TBC1D5: variants seen among roughly 807,000 people sequenced by gnomAD.
The protein encoded by TBC1D5 is TBC1 domain family member 5.
In TBC1D5, 75 loss-of-function variants were observed where a neutral mutation model predicts 100.3. That is an observed-to-expected ratio of 0.75 (90% CI 0.62 to 0.91). TBC1D5 has a LOEUF of 0.91. Among genes scored for constraint, TBC1D5 ranks in the 40% least tolerant of loss-of-function variants. The pLI is 0.00. For missense variants in TBC1D5, 910 were observed against 942.4 expected (o/e 0.97, Z 0.45); for synonymous variants, 323 against 325.6 (o/e 0.99, Z 0.09).
chr3:17,509,046 T>G (rs2095873480), intron 2 of TBC1D5, among the ~76,000 whole-genome samples: 1 of 152,152 alleles, frequency 6.6e-6, no homozygotes, highest in Non-Finnish European at 1.5e-5. Context: ...GTATTACACA[T>G]GTACTTCCTG....
At chr3:17,607,720 T>TG (rs146800269) in intron 2 of TBC1D5, among the ~76,000 whole-genome samples, 10,323 of 151,692 alleles carry the variant, frequency 0.068, 710 homozygotes, top group African/African-American at 0.18. Context: ...ATAGAACCTA[T>TG]GGTAATCAAA....
In TBC1D5 at chr3:17,262,870, A is replaced by G. The variant is rs138724139; in HGVS notation, c.1246-4279T>C. ...AAATGGTAATCATATCTTAACTGAT[A>G]TTAGTCTGTGTGCAGAGGAATACCA... On this transcript the variant is annotated intron_variant, in intron 15 of 21. Transcript: ENST00000253692. Among the ~76,000 whole-genome samples, 1,413 of 152,146 alleles carry G rather than the reference A, an allele frequency of 9.3e-3. 53 individuals are homozygous for G. Among genetic ancestry groups the G allele is most frequent in the Admixed American group, 0.072 (1,103 of 15,286 alleles).
chr3:17,429,087 G>A (rs895190094), intron 3 of TBC1D5, among the ~76,000 whole-genome samples: 11 of 151,622 alleles, frequency 7.3e-5, no homozygotes, highest in South Asian at 2.1e-4. Flanking sequence ...TCAAAAGTTC[G>A]GCAATTTAAA....
intron 4 of TBC1D5, among the ~76,000 whole-genome samples, chr3:17,420,188 A>G (rs2094174896): frequency 6.6e-6 from 1 of 152,076 alleles, no homozygotes; most frequent in South Asian, 2.1e-4. Flanking sequence ...ATGATGGAAG[A>G]TAAGTTAGCT....
intron 1 of TBC1D5, among the ~76,000 whole-genome samples, chr3:17,627,299 C>T (rs1577093979): frequency 6.6e-6 from 1 of 152,110 alleles, no homozygotes; most frequent in African/African-American, 2.4e-5. Flanking sequence ...CAGTTCCAGA[C>T]ATTCACTGTG....
At chr3:17,348,054 A>C (rs2090128530) in intron 13 of TBC1D5, among the ~76,000 whole-genome samples, 1 of 152,208 alleles carries the variant, frequency 6.6e-6, no homozygotes, top group Non-Finnish European at 1.5e-5. Flanking sequence ...TCATACTTAC[A>C]ATATCATCTT....
chr3:17,528,058 G>A (rs1222943704), intron 2 of TBC1D5, among the ~76,000 whole-genome samples: 1 of 151,918 alleles, frequency 6.6e-6, no homozygotes, highest in Non-Finnish European at 1.5e-5. Flanking sequence ...GTTTTTTAGG[G>A]GGGGCTGGGA....
intron 15 of TBC1D5, 22 bp downstream of exon 15, chr3:17,291,873 A>G: frequency 1.3e-6 from 2 of 1,598,058 alleles, no homozygotes; most frequent in Non-Finnish European, 8.5e-7. Flanking sequence ...AAAATTATGC[A>G]TACCCTACTG....
intron 3 of TBC1D5, among the ~76,000 whole-genome samples, chr3:17,498,467 G>A (rs113620734): frequency 2.4e-4 from 36 of 152,096 alleles, no homozygotes; most frequent in Middle Eastern, 3.2e-3. Flanking sequence ...TCGGTGAGAC[G>A]TCTTTTAAGA....
At chr3:17,256,668 C>CCTAT (rs2077721287) in intron 16 of TBC1D5, among the ~76,000 whole-genome samples, 1 of 152,160 alleles carries the variant, frequency 6.6e-6, no homozygotes, top group Admixed American at 6.5e-5. Flanking sequence ...TACCAGTCAT[C>CCTAT]ATTGTCCTAG....
chr3:17,161,311 TGAGTGGAA>T, intron 21 of TBC1D5, 55 bp from the exon 23 acceptor site: 2 of 1,544,322 alleles, frequency 1.3e-6, no homozygotes, highest in Non-Finnish European at 1.7e-6. Context: ...GGCAAAGAAC[TGAGTGGAA>T]GGCCCTGTGA....
At chr3:17,397,183 T>C (rs930879170) in intron 8 of TBC1D5, among the ~76,000 whole-genome samples, 1 of 152,148 alleles carries the variant, frequency 6.6e-6, no homozygotes, top group African/African-American at 2.4e-5. Context: ...GCTCCTTTTC[T>C]CTTGCAAGCA....
At chr3:17,563,989 A>G (rs962894056) in intron 2 of TBC1D5, among the ~76,000 whole-genome samples, 17 of 152,058 alleles carry the variant, frequency 1.1e-4, no homozygotes, top group East Asian at 3.9e-4. Flanking sequence ...TCACCGTGTT[A>G]GCCAGGATGG....
chr3:17,178,814 T>C (rs2068106246), intron 19 of TBC1D5, among the ~76,000 whole-genome samples: 1 of 135,520 alleles, frequency 7.4e-6, no homozygotes, highest in South Asian at 2.4e-4. Context: ...TAATTTTTAA[T>C]TTTTTTTTTT....
intron 1 of TBC1D5, among the ~76,000 whole-genome samples, chr3:17,704,455 T>C (rs1193049585): frequency 5.5e-4 from 76 of 137,712 alleles, no homozygotes; most frequent in Middle Eastern, 3.9e-3. Context: ...CCAGACGGGG[T>C]GGTGGCCGGG....
chr3:17,610,509 T>C (rs556187184), intron 2 of TBC1D5, among the ~76,000 whole-genome samples: 1 of 152,320 alleles, frequency 6.6e-6, no homozygotes, highest in East Asian at 1.9e-4. Flanking sequence ...TTCAATCTCA[T>C]TAAGTGCTGC....
At chr3:17,542,152 T>C (rs1317468420) in intron 2 of TBC1D5, among the ~76,000 whole-genome samples, 1 of 152,036 alleles carries the variant, frequency 6.6e-6, no homozygotes, top group Admixed American at 6.6e-5. Flanking sequence ...TAGCCTGGCA[T>C]AGTGGCACAC....
At chr3:17,438,785 C>G (rs956101142) in intron 3 of TBC1D5, among the ~76,000 whole-genome samples, 4 of 152,042 alleles carry the variant, frequency 2.6e-5, no homozygotes, top group Admixed American at 2.6e-4. Flanking sequence ...AGATTTTTAG[C>G]CTTACTACAG....
chr3:17,242,358 T>G (rs897434563), intron 16 of TBC1D5, among the ~76,000 whole-genome samples: 2 of 152,156 alleles, frequency 1.3e-5, no homozygotes, highest in East Asian at 3.8e-4. Context: ...ATATTAAATA[T>G]GTAATATTTA....
Sources: allele counts gnomAD v4.1 joint callset (sites outside exome capture counted in the v4.1 genomes callset), GRCh38; gene constraint gnomAD v4.1.1; transcripts MANE v1.5; gene names NCBI Gene and HGNC (gene_info 2026-07-23, HGNC 2026-07-21).